Variants in ASPH observed in about 807,000 individuals in gnomAD.
ASPH encodes the protein aspartate beta-hydroxylase, also known as aspartyl/asparaginyl beta-hydroxylase.
Under a neutral mutation model 118.4 loss-of-function variants are expected in ASPH, and 100 were observed. The ratio of observed to expected loss-of-function variants is 0.84; its 90% CI spans 0.72 to 1.00. The LOEUF is 1.00. Ranked by LOEUF, ASPH falls within the 50% of genes least tolerant of loss-of-function variation. ASPH has a pLI of 0.00. For missense variants in ASPH, 920 were observed against 919.5 expected, an observed-to-expected ratio of 1.00 and a Z score of -0.01; for synonymous variants, 315 against 325.6, an observed-to-expected ratio of 0.97 and a Z score of 0.35.
chr8:61,692,132 A>G (rs1832791873), intron 1 of ASPH, among the ~76,000 whole-genome samples: 1 of 152,224 alleles, frequency 6.6e-6, no homozygotes, highest in African/African-American at 2.4e-5. Flanking sequence ...TTTTGCAATA[A>G]TTGAATAGTT....
chr8:61,670,191 T>A (rs1336942908), intron 3 of ASPH, among the ~76,000 whole-genome samples: 1 of 150,402 alleles, frequency 6.6e-6, no homozygotes, highest in East Asian at 1.9e-4. Context: ...TTAACAAGAG[T>A]CCCTAAGTAA....
intron 14 of ASPH, among the ~76,000 whole-genome samples, chr8:61,596,954 T>C (rs1485602108): frequency 2.6e-5 from 4 of 151,492 alleles, no homozygotes; most frequent in Non-Finnish European, 1.5e-5. Flanking sequence ...CTAAAGAAAC[T>C]CAGTGAGATA....
At chr8:61,649,017 A>C (rs1020475217) in intron 5 of ASPH, among the ~76,000 whole-genome samples, 2 of 152,192 alleles carry the variant, frequency 1.3e-5, no homozygotes, top group African/African-American at 4.8e-5. Flanking sequence ...GGCTAGAGAA[A>C]AGTCACTGAA....
In ASPH at chr8:61,562,863, G is replaced by A; in HGVS notation, c.1318C>T (p.Leu440=). 1 of 1,604,208 alleles carries A rather than the reference G, an allele frequency of 6.2e-7. No homozygotes were observed. The highest frequency in any genetic ancestry group is 8.5e-7 in the Non-Finnish European group (1 of 1,176,682). The change falls in exon 18 of 25, where the codon CTG becomes TTG. Residue 440 remains leucine (L), a synonymous_variant. Transcript: ENST00000379454. The stretch of plus-strand genomic sequence containing the variant: ...TGAACTAATCTCTGCAGGGTAAGCA[G>A]GGAACCTCTCATATGACCTGAGTAG... The part of the protein sequence containing the change: ...QQFLGHMRGS[L]LTLQRLVQLF...
chr8:61,516,893 C>A (rs766955356), intron 24 of ASPH: 1 of 152,212 alleles, frequency 6.6e-6, no homozygotes, highest in Non-Finnish European at 1.5e-5. Context: ...CACGTCCCGA[C>A]TGATACCAGA....
chr8:61,699,415 TGA>T (rs1197685400), intron 1 of ASPH, among the ~76,000 whole-genome samples: 1 of 152,208 alleles, frequency 6.6e-6, no homozygotes, highest in Non-Finnish European at 1.5e-5. Flanking sequence ...ATAAGACAAA[TGA>T]GAGAGGGGTA....
chr8:61,629,250 A>C (rs1398217526), intron 13 of ASPH, among the ~76,000 whole-genome samples: 1 of 152,228 alleles, frequency 6.6e-6, no homozygotes, highest in African/African-American at 2.4e-5. Context: ...CTAACTTTTA[A>C]AATTCTTTTC....
chr8:61,580,360 C>T (rs1563902793), intron 15 of ASPH, among the ~76,000 whole-genome samples: 1 of 152,212 alleles, frequency 6.6e-6, no homozygotes, highest in Non-Finnish European at 1.5e-5. Context: ...GTACAGCAAA[C>T]TTTTGCTTGG....
In ASPH at chr8:61,643,376, C is replaced by T; in HGVS notation, c.757+10G>A. On this transcript the variant is annotated intron_variant, in intron 9 of 24. Transcript: ENST00000379454. ...ATATTTTAAATCTAATGAAAATGCT[C>T]ATCTAATACCTGTATCATGGTGCAA... 1 of 1,599,510 alleles carries T rather than the reference C, an allele frequency of 6.3e-7. No individual in the cohort carries two copies.
chr8:61,595,018 A>G (rs940311582), intron 14 of ASPH, among the ~76,000 whole-genome samples: 2 of 152,250 alleles, frequency 1.3e-5, no homozygotes, highest in African/African-American at 4.8e-5. Context: ...AACTTTTAAG[A>G]AATAAATTAC....
rs1008080001 is a variant in ASPH at position 61,714,282 on chromosome 8, G to C, written c.90C>G (p.Pro30=). ...SGSTSAGSSS[P]GARRETKHGG... is the part of the protein sequence containing the mutation. Reference sequence around the variant, plus strand: ...AGGGCCTCTGACCTCTCCGGGCCCCGGGGCTGCTGCTGCCCGCACTCGTGC... The same window carrying C: ...AGGGCCTCTGACCTCTCCGGGCCCCCGGGCTGCTGCTGCCCGCACTCGTGC... Residue 30 remains proline, a synonymous_variant, in exon 1 of 25, where the codon CCC becomes CCG. Transcript: ENST00000379454. The C allele has an allele frequency of 6.6e-7, 1 of 1,515,958 alleles. No individual in the cohort carries two copies. The highest frequency in any genetic ancestry group is 8.8e-7 in the Non-Finnish European group (1 of 1,134,072). The allele number at this position is 1,515,958 out of a possible 1,614,324, so 93.9% of individuals were successfully genotyped here.
At position 61,503,218 on chromosome 8, in the gene ASPH, C is replaced by G; in HGVS notation, c.*141G>C. On this transcript the variant is annotated 3_prime_UTR_variant, in exon 25 of 25. Transcript: ENST00000379454. ...ATATTCCCTTTAGTGTCTTCTGACC[C>G]TAGGAGGAGGCTTTGAATTACTCGG... is the stretch of plus-strand genomic sequence containing the variant. 3.0e-6 allele frequency: 3 copies of G among 1,014,212 alleles called. No individual in the cohort carries two copies. Among genetic ancestry groups the G allele is most frequent in the Non-Finnish European group, 1.4e-6 (1 of 734,212 alleles). 62.8% of individuals were successfully genotyped at this position (1,014,212 alleles called of 1,614,324 possible). A position where few individuals can be genotyped will look rare whatever the true frequency, so the allele number is the denominator to read the frequency against.
chr8:61,543,853 A>G (rs535060894), intron 21 of ASPH, among the ~76,000 whole-genome samples: 1 of 152,252 alleles, frequency 6.6e-6, no homozygotes, highest in Admixed American at 6.5e-5. Flanking sequence ...TGAAATCTCT[A>G]TTGCCTGTAG....
intron 3 of ASPH, among the ~76,000 whole-genome samples, chr8:61,669,005 AT>A (rs1821065486): frequency 6.6e-6 from 1 of 152,214 alleles, no homozygotes. Context: ...AGGCTGGTTT[AT>A]GCTATGTATT....
chr8:61,699,838 T>C (rs1313279464), intron 1 of ASPH, among the ~76,000 whole-genome samples: 1 of 152,230 alleles, frequency 6.6e-6, no homozygotes, highest in Non-Finnish European at 1.5e-5. Context: ...TGACTTCTCA[T>C]TCCCCAGTGG....
intron 1 of ASPH, 67 bp downstream of exon 1, chr8:61,714,202 C>T: frequency 7.4e-7 from 1 of 1,357,060 alleles, no homozygotes; most frequent in Admixed American, 3.8e-5. Context: ...CCCGCAGCGT[C>T]CGCCGCGCCA....
intron 24 of ASPH, among the ~76,000 whole-genome samples, chr8:61,507,250 A>C (rs1168148071): frequency 6.6e-6 from 1 of 152,216 alleles, no homozygotes. Context: ...CTTTCCAGAT[A>C]CATTAAGTAC....
chr8:61,578,972 C>A, intron 15 of ASPH: 2 of 1,610,806 alleles, frequency 1.2e-6, no homozygotes, highest in Non-Finnish European at 1.7e-6. Flanking sequence ...TGGACAACAG[C>A]CGCTCCCTGG....
rs1805159832 is a variant in ASPH at position 61,502,765 on chromosome 8, A to G, written c.*594T>C. The G allele has an allele frequency of 6.6e-6, 1 of 152,258 alleles. No homozygotes were observed. The highest frequency in any genetic ancestry group is 2.1e-4 in the South Asian group (1 of 4,836). The allele number at this position is 152,258 out of a possible 1,614,324, so 9.4% of individuals were successfully genotyped here. A position where few individuals can be genotyped will look rare whatever the true frequency, so the allele number is the denominator to read the frequency against. Reference sequence around the variant, plus strand: ...ATGGGTACAGTTCATAGACACTGACATAATGAGCTCTTTCTTTTTTGTTAG... The same window carrying G: ...ATGGGTACAGTTCATAGACACTGACGTAATGAGCTCTTTCTTTTTTGTTAG... On this transcript the variant is annotated 3_prime_UTR_variant, in exon 25 of 25. Transcript: ENST00000379454.
Sources: allele counts gnomAD v4.1 joint callset (sites outside exome capture counted in the v4.1 genomes callset), GRCh38; gene constraint gnomAD v4.1.1; transcripts MANE v1.5; gene names NCBI Gene and HGNC (gene_info 2026-07-23, HGNC 2026-07-21).